The following MYO16 variants were observed in gnomAD, a reference collection of about 807,000 sequenced individuals.
The protein encoded by MYO16 is myosin XVI, also known as unconventional myosin-XVI.
Under a neutral mutation model 205.3 loss-of-function variants are expected in MYO16, and 94 were observed. The observed-to-expected ratio is 0.46, with a 90% CI of 0.39 to 0.54. The LOEUF is 0.54. Ranked by LOEUF, MYO16 falls within the 20% of genes least tolerant of loss-of-function variation. The probability of loss-of-function intolerance (pLI) is 0.00; values close to 1 mark genes in which losing one functional copy is unlikely to be tolerated. For synonymous variants in MYO16, 988 were observed against 954.0 expected (o/e 1.04, Z -0.66); for missense variants, 2,315 against 2,387.5 (o/e 0.97, Z 0.63).
At chr13:108,740,837 G>C (rs533214498) in intron 4 of MYO16, among the ~76,000 whole-genome samples, 5 of 152,066 alleles carry the variant, frequency 3.3e-5, no homozygotes, top group Non-Finnish European at 7.4e-5. Context: ...GCAATGGCAG[G>C]CACCCCTCCC....
chr13:109,069,642 A>G (rs1426666746), intron 27 of MYO16, among the ~76,000 whole-genome samples: 4 of 151,982 alleles, frequency 2.6e-5, no homozygotes, highest in Non-Finnish European at 5.9e-5. Context: ...TGGTACATAC[A>G]TGCCATGGGA....
At chr13:109,154,840 AG>A (rs1414731749) in intron 32 of MYO16, among the ~76,000 whole-genome samples, 2 of 148,530 alleles carry the variant, frequency 1.3e-5, no homozygotes, top group African/African-American at 4.9e-5. Flanking sequence ...GACCTATAAA[AG>A]TATGCATGAG....
intron 1 of MYO16, among the ~76,000 whole-genome samples, chr13:108,661,063 A>G (rs926138917): frequency 3.3e-5 from 5 of 152,178 alleles, no homozygotes; most frequent in African/African-American, 1.2e-4. Context: ...TCTGGATACA[A>G]AATTCTTGGC....
chr13:108,865,513 C>T (rs561794529), intron 11 of MYO16, among the ~76,000 whole-genome samples: 95 of 151,412 alleles, frequency 6.3e-4, no homozygotes, highest in African/African-American at 2.1e-3. Context: ...TTGCTTCATC[C>T]TTTTCCCTTT....
chr13:108,709,138 A>G (rs1883627497), intron 2 of MYO16, among the ~76,000 whole-genome samples: 1 of 152,116 alleles, frequency 6.6e-6, no homozygotes, highest in Non-Finnish European at 1.5e-5. Context: ...TGGTCCCCAG[A>G]TGGCTGTTTT....
Position 109,141,350 on chromosome 13 carries a change from C to A in MYO16, c.5138C>A (p.Ala1713Glu). The A allele has an allele frequency of 6.5e-7, 1 of 1,544,394 alleles. No individual in the cohort carries two copies. Among genetic ancestry groups the A allele is most frequent in the Non-Finnish European group, 8.7e-7 (1 of 1,149,562 alleles). Residue 1713 changes from alanine (A) to glutamate (E), a missense_variant, in exon 32 of 35, where the codon GCG (alanine) becomes GAG (glutamate). Around this residue, in one of 3 missense-constraint regions of MYO16, gnomAD observed 1,097 missense variants for 1,092.0 expected, o/e 1.00. Transcript: ENST00000457511. This position sits in a 1 kb window ranked among gnomAD's most constrained non-coding sequence, Gnocchi z 4.1. Reference protein sequence around the residue: ...SGRSVLRKSAAGRKIREAEGF... With the variant: ...SGRSVLRKSAEGRKIREAEGF... ...AGGAGTGTGCTTCGGAAATCCGCGGCGGGAAGAAAAATCAGGGAAGCAGAA... is the reference window on the plus strand; with the variant it reads ...AGGAGTGTGCTTCGGAAATCCGCGGAGGGAAGAAAAATCAGGGAAGCAGAA...
the MYO16 span, among the ~76,000 whole-genome samples, chr13:108,580,775 T>C: frequency 6.6e-6 from 1 of 152,194 alleles, no homozygotes; most frequent in South Asian, 2.1e-4. Context: ...ACTCACACAG[T>C]TCAGAGTACT....
intron 28 of MYO16, among the ~76,000 whole-genome samples, chr13:109,117,514 T>A (rs1048144531): frequency 6.7e-6 from 1 of 148,526 alleles, no homozygotes; most frequent in African/African-American, 2.5e-5. Flanking sequence ...TATATATGTA[T>A]GTATATATAT....
chr13:109,164,938 C>T lies in MYO16; in HGVS notation c.5202C>T (p.Asp1734=). The T allele has an allele frequency of 6.2e-7, 1 of 1,605,350 alleles. No homozygotes were observed. The change falls in exon 33 of 35, where the codon GAC becomes GAT. Residue 1734 remains aspartate (D), a synonymous_variant. Coordinates refer to ENST00000457511, the MANE Select transcript of MYO16 (RefSeq NM_001198950.3). The stretch of plus-strand genomic sequence containing the variant: ...ACATGAACATAAGTAGCCGAGATGA[C>T]CCTAGTACGTCAGAAATTACTTCCG... ...ETNMNISSRD[D]PSTSEITSET... is the part of the protein sequence containing the mutation.
chr13:108,992,811 GCT>G (rs1884881593), intron 21 of MYO16, among the ~76,000 whole-genome samples: 3 of 152,154 alleles, frequency 2.0e-5, no homozygotes, highest in Non-Finnish European at 2.9e-5. Flanking sequence ...GAATGAAAAT[GCT>G]CTGTTATGCT....
At chr13:109,045,666 A>T (rs535245610) in intron 23 of MYO16, among the ~76,000 whole-genome samples, 2 of 152,302 alleles carry the variant, frequency 1.3e-5, no homozygotes, top group South Asian at 4.1e-4. Context: ...CTCAGCCTTT[A>T]TGGGAAAGGT....
At chr13:109,090,189 T>C (rs1888575567) in intron 27 of MYO16, among the ~76,000 whole-genome samples, 1 of 152,208 alleles carries the variant, frequency 6.6e-6, no homozygotes, top group Non-Finnish European at 1.5e-5. Flanking sequence ...TGCGAAGACT[T>C]CTTCCTCCCT....
At chr13:108,743,569 TCTTTTA>T in intron 4 of MYO16, among the ~76,000 whole-genome samples, 1 of 152,334 alleles carries the variant, frequency 6.6e-6, no homozygotes, top group South Asian at 2.1e-4. Context: ...ACATTATCAC[TCTTTTA>T]CTTCAGTAAC....
At chr13:108,811,986 C>A (rs1278093448) in intron 7 of MYO16, among the ~76,000 whole-genome samples, 1 of 152,174 alleles carries the variant, frequency 6.6e-6, no homozygotes, top group Admixed American at 6.5e-5. Flanking sequence ...GTGTCAGAGG[C>A]CCTGCTTAGG....
At chr13:109,165,902 G>A (rs939408185) in intron 33 of MYO16, among the ~76,000 whole-genome samples, 4 of 145,518 alleles carry the variant, frequency 2.7e-5, no homozygotes, top group Non-Finnish European at 6.1e-5. Flanking sequence ...TTCTTCCCAA[G>A]AGTCAGAGTG....
At chr13:108,798,543 A>G (rs1010331419) in intron 6 of MYO16, among the ~76,000 whole-genome samples, 11 of 152,232 alleles carry the variant, frequency 7.2e-5, no homozygotes, top group Non-Finnish European at 2.9e-5. Flanking sequence ...GTTACAGAGT[A>G]TATGAAGGTG....
intron 4 of MYO16, among the ~76,000 whole-genome samples, chr13:108,763,956 C>CA (rs971910370): frequency 6.6e-5 from 10 of 151,062 alleles, no homozygotes; most frequent in Non-Finnish European, 1.3e-4. Flanking sequence ...AAAAAGGCTA[C>CA]AAAAAAGACC....
chr13:108,893,008 A>G (rs1365329538), intron 14 of MYO16, among the ~76,000 whole-genome samples: 2 of 152,216 alleles, frequency 1.3e-5, no homozygotes, highest in Non-Finnish European at 2.9e-5. Flanking sequence ...TTCACTCCTC[A>G]TGACACATAA....
intron 1 of MYO16, among the ~76,000 whole-genome samples, chr13:108,630,964 T>C (rs1879953319): frequency 6.6e-6 from 1 of 152,216 alleles, no homozygotes; most frequent in Non-Finnish European, 1.5e-5. Flanking sequence ...CAGAACAATT[T>C]CAATTCCCAA....
Sources: allele counts gnomAD v4.1 joint callset (sites outside exome capture counted in the v4.1 genomes callset), GRCh38; gene constraint gnomAD v4.1.1; regional missense constraint gnomAD v4.1.1; non-coding constraint Gnocchi (gnomAD v3.1); transcripts MANE v1.5; gene names NCBI Gene and HGNC (gene_info 2026-07-23, HGNC 2026-07-21).